UNC79: variants seen among roughly 807,000 people sequenced by gnomAD.
UNC79 encodes the protein protein unc-79 homolog.
UNC79 carries 37 observed loss-of-function variants against 283.1 expected under a neutral mutation model. The observed-to-expected ratio is 0.13, with a 90% CI of 0.10 to 0.17. The LOEUF (loss-of-function observed/expected upper bound fraction) is 0.17. UNC79 is among the 10% of genes least tolerant of loss of function. UNC79 has a pLI of 1.00. For synonymous variants in UNC79, 1,107 were observed against 1,200.2 expected (o/e 0.92, Z 1.61); for missense variants, 2,272 against 3,211.1 (o/e 0.71, Z 7.07).
At chr14:93,597,222 A>T in intron 23 of UNC79, 137 bp from the exon 24 acceptor site, 2 of 840,432 alleles carry the variant, frequency 2.4e-6, no homozygotes, top group Non-Finnish European at 1.9e-6. Flanking sequence ...GTTGGGATTT[A>T]AAGTAAACCA....
chr14:93,659,508 A>G (rs2140417621), intron 39 of UNC79, among the ~76,000 whole-genome samples: 1 of 152,116 alleles, frequency 6.6e-6, no homozygotes, highest in South Asian at 2.1e-4. Context: ...CCCCCATACT[A>G]CTAACTAGGC....
At chr14:93,597,406 A>G in exon 24 of UNC79, 1 of 1,614,180 alleles carries the variant, frequency 6.2e-7, no homozygotes, top group Non-Finnish European at 8.5e-7. Context: ...TCACTCAGTA[A>G]CCAAAAACCA....
intron 47 of UNC79, among the ~76,000 whole-genome samples, chr14:93,698,476 G>GTTTTTTTTTTTTTTTTTTTTTTTTTTT (rs71129655): frequency 2.5e-5 from 2 of 79,112 alleles, no homozygotes; most frequent in Non-Finnish European, 5.1e-5. Flanking sequence ...TTTAGTTTAG[G>GTTTTTTTTTTTTTTTTTTTTTTTTTTT]TTTTTTTTTT....
At chr14:93,525,513 G>A (rs980477383) in intron 8 of UNC79, among the ~76,000 whole-genome samples, 3 of 151,982 alleles carry the variant, frequency 2.0e-5, no homozygotes, top group African/African-American at 7.3e-5. Context: ...CCATTCTACT[G>A]TGTGCACCCC....
intron 1 of UNC79, among the ~76,000 whole-genome samples, chr14:93,338,379 G>C (rs932162264): frequency 2.6e-5 from 4 of 152,142 alleles, no homozygotes; most frequent in Admixed American, 6.5e-5. Flanking sequence ...GGTCTCACCA[G>C]TAAGGCCTGC....
chr14:93,386,292 G>C (rs976347302), intron 1 of UNC79, among the ~76,000 whole-genome samples: 4 of 152,102 alleles, frequency 2.6e-5, no homozygotes, highest in African/African-American at 9.7e-5. Flanking sequence ...TGCATATGCT[G>C]AACCATGGTT....
At chr14:93,534,647 A>C (rs904266593) in intron 11 of UNC79, among the ~76,000 whole-genome samples, 1 of 152,174 alleles carries the variant, frequency 6.6e-6, no homozygotes, top group East Asian at 1.9e-4. Context: ...CATAGACCAT[A>C]TTCTTCCTTT....
intron 1 of UNC79, among the ~76,000 whole-genome samples, chr14:93,340,558 T>C (rs1336340528): frequency 6.6e-6 from 1 of 151,364 alleles, no homozygotes; most frequent in Non-Finnish European, 1.5e-5. Context: ...TACAGTTCAC[T>C]ATGTAGGAGA....
intron 23 of UNC79, among the ~76,000 whole-genome samples, chr14:93,594,168 G>A (rs2064889332): frequency 6.6e-6 from 1 of 152,212 alleles, no homozygotes; most frequent in African/African-American, 2.4e-5. Context: ...TACTTGCATC[G>A]GTTACTGGGA....
At chr14:93,410,948 T>A (rs2055322924) in intron 1 of UNC79, among the ~76,000 whole-genome samples, 2 of 152,000 alleles carry the variant, frequency 1.3e-5, no homozygotes, top group Non-Finnish European at 2.9e-5. Context: ...AAGCAGACTT[T>A]GGCTTGCTCC....
At chr14:93,554,949 T>C (rs1417973234) in intron 14 of UNC79, among the ~76,000 whole-genome samples, 1 of 152,190 alleles carries the variant, frequency 6.6e-6, no homozygotes, top group Non-Finnish European at 1.5e-5. Context: ...TGTGACTCTT[T>C]TCCAGTATAG....
At chr14:93,375,894 A>G (rs1339220391) in intron 1 of UNC79, among the ~76,000 whole-genome samples, 2 of 152,120 alleles carry the variant, frequency 1.3e-5, no homozygotes, top group African/African-American at 4.8e-5. Context: ...AACCATATCA[A>G]TGAGTCATCG....
At chr14:93,571,910 A>T (rs762033839) in exon 15 of UNC79, 2 of 1,613,966 alleles carry the variant, frequency 1.2e-6, no homozygotes, top group Non-Finnish European at 1.7e-6. Flanking sequence ...GGCTACTGGG[A>T]TAAGTCCTGT....
At chr14:93,563,405 C>T (rs1055730600) in intron 14 of UNC79, among the ~76,000 whole-genome samples, 1 of 152,130 alleles carries the variant, frequency 6.6e-6, no homozygotes, top group Non-Finnish European at 1.5e-5. Context: ...ATGGAGGACC[C>T]TTGTACAGTG....
At chr14:93,566,912 C>T (rs192657909) in intron 14 of UNC79, among the ~76,000 whole-genome samples, 19 of 152,158 alleles carry the variant, frequency 1.2e-4, no homozygotes, top group African/African-American at 2.4e-4. Context: ...CCACCACGCT[C>T]GGCCTGGAAT....
chr14:93,615,720 C>CAAAAAAAAAAAAAAAAAAAAAAAAAAA (rs1158073507), intron 27 of UNC79, among the ~76,000 whole-genome samples: 1 of 23,290 alleles, frequency 4.3e-5, no homozygotes. Flanking sequence ...GACTCCATCT[C>CAAAAAAAAAAAAAAAAAAAAAAAAAAA]AAAAAAAAAA....
intron 23 of UNC79, among the ~76,000 whole-genome samples, chr14:93,596,835 G>T (rs1004126124): frequency 5.9e-5 from 9 of 152,146 alleles, no homozygotes; most frequent in Non-Finnish European, 1.3e-4. Context: ...TCAAGTAAGC[G>T]TATATTTATA....
intron 32 of UNC79, among the ~76,000 whole-genome samples, chr14:93,640,427 G>A (rs1209765408): frequency 6.6e-6 from 1 of 152,190 alleles, no homozygotes; most frequent in Non-Finnish European, 1.5e-5. Flanking sequence ...CTAGGATCTT[G>A]AGACAAGCCC....
rs185594250 is a variant in UNC79, at chr14:93,662,293, C to T, written c.6526-311C>T. On this transcript the variant is annotated intron_variant, in intron 39 of 48. Transcript: ENST00000555664. ...TAAAGTGGAAGATCCCACTGCAAAC[C>T]CCACACTCTTGATTGCTTAGGGTGG... Among the ~76,000 whole-genome samples the T allele has an allele frequency of 1.6e-3, 245 of 152,174 alleles. 1 individual carries two copies. The highest frequency in any genetic ancestry group is 5.2e-3 in the African/African-American group (218 of 41,528).
Sources: allele counts gnomAD v4.1 joint callset (sites outside exome capture counted in the v4.1 genomes callset), GRCh38; gene constraint gnomAD v4.1.1; transcripts MANE v1.5; gene names NCBI Gene and HGNC (gene_info 2026-07-23, HGNC 2026-07-21).